TRHDE: variants seen among roughly 807,000 people sequenced by gnomAD.
TRHDE encodes thyrotropin releasing hormone degrading enzyme.
A neutral mutation model predicts 125.7 loss-of-function variants in TRHDE; 72 were observed. The ratio of observed to expected loss-of-function variants is 0.57; its 90% confidence interval spans 0.47 to 0.70. The LOEUF is 0.70. Ranked by LOEUF, TRHDE falls within the 30% of genes least tolerant of loss-of-function variation. The pLI, the probability that TRHDE is intolerant of heterozygous loss-of-function variation, is 0.00. For synonymous variants in TRHDE, 509 were observed against 509.1 expected, an observed-to-expected ratio of 1.00 and a Z score of 0.00; for missense variants, 1,110 against 1,327.1, an observed-to-expected ratio of 0.84 and a Z score of 2.54.
intron 5 of TRHDE, among the ~76,000 whole-genome samples, chr12:72,483,138 T>G (rs1359575343): frequency 6.6e-6 from 1 of 152,006 alleles, no homozygotes; most frequent in Non-Finnish European, 1.5e-5. Context: ...CCTCCCTTTT[T>G]TTTTTGGCTG....
intron 12 of TRHDE, among the ~76,000 whole-genome samples, chr12:72,577,229 G>T (rs1871037541): frequency 6.6e-6 from 1 of 152,266 alleles, no homozygotes; most frequent in Admixed American, 6.5e-5. Flanking sequence ...CTCAAAGAAA[G>T]CTGTTTTCAT....
At chr12:72,329,458 T>C (rs914737790) in intron 2 of TRHDE, among the ~76,000 whole-genome samples, 1 of 152,204 alleles carries the variant, frequency 6.6e-6, no homozygotes, top group African/African-American at 2.4e-5. Flanking sequence ...ATTGAACCCA[T>C]TTTTACCCCT....
chr12:72,582,234 A>G (rs1467830136), intron 12 of TRHDE: 1 of 981,654 alleles, frequency 1.0e-6, no homozygotes, highest in African/African-American at 1.8e-5. Context: ...CAGCTTATAC[A>G]TTTGAGATAT....
Position 72,295,256 on chromosome 12 carries a change from C to T in TRHDE, c.1188+8302C>T, listed in dbSNP as rs559146743. 3.3e-5 allele frequency among the ~76,000 whole-genome samples: 5 copies of T among 152,148 alleles called. No individual in the cohort carries two copies. The East Asian group carries it at 7.8e-4, about 24-fold the overall frequency. Reference sequence around the variant, plus strand: ...CGGCTGCAGCAGCACTGGGGAGCCCCACCCCAGCTCAGAAGGGGCAGGGCT... The same window carrying T: ...CGGCTGCAGCAGCACTGGGGAGCCCTACCCCAGCTCAGAAGGGGCAGGGCT... On this transcript the variant is annotated intron_variant, in intron 2 of 18. Transcript: ENST00000261180.
intron 2 of TRHDE, among the ~76,000 whole-genome samples, chr12:72,230,044 C>T (rs1377990879): frequency 1.3e-5 from 2 of 152,094 alleles, no homozygotes. Context: ...TCTGGTCTGC[C>T]ACCACCTGAC....
chr12:72,389,870 A>G (rs1280727054), intron 3 of TRHDE, among the ~76,000 whole-genome samples: 2 of 152,228 alleles, frequency 1.3e-5, no homozygotes, highest in Non-Finnish European at 2.9e-5. Context: ...ATGGGAGCAA[A>G]GATCAAAGCA....
At chr12:72,512,678 A>AG (rs889651770) in intron 6 of TRHDE, among the ~76,000 whole-genome samples, 9 of 145,844 alleles carry the variant, frequency 6.2e-5, no homozygotes, top group Non-Finnish European at 1.3e-4. Context: ...ATGGTAATAT[A>AG]GATTTTTTAT....
intron 2 of TRHDE, among the ~76,000 whole-genome samples, chr12:72,253,181 A>C (rs1394525105): frequency 6.6e-6 from 1 of 152,124 alleles, no homozygotes; most frequent in African/African-American, 2.4e-5. Flanking sequence ...CTGTATATAG[A>C]AATGACATTG....
intron 18 of TRHDE, among the ~76,000 whole-genome samples, chr12:72,662,729 T>C (rs1192623398): frequency 6.6e-6 from 1 of 152,156 alleles, no homozygotes. Flanking sequence ...CATCAACTGA[T>C]TTTGAAATGA....
At chr12:72,602,369 A>T (rs143058232) in intron 12 of TRHDE, among the ~76,000 whole-genome samples, 178 of 152,332 alleles carry the variant, frequency 1.2e-3, no homozygotes, top group African/African-American at 4.0e-3. Context: ...TTCTGAGAAA[A>T]TATGAAAAAA....
chr12:72,473,020 G>A (rs1218479458), intron 4 of TRHDE, 47 bp from the exon 5 acceptor site: 1 of 1,347,614 alleles, frequency 7.4e-7, no homozygotes, highest in Non-Finnish European at 1.1e-6. Context: ...AAATAGTTTG[G>A]GGATAGATTT....
At chr12:72,321,409 A>T (rs1358556976) in intron 2 of TRHDE, among the ~76,000 whole-genome samples, 1 of 152,168 alleles carries the variant, frequency 6.6e-6, no homozygotes, top group Non-Finnish European at 1.5e-5. Context: ...GTTAGTTCCA[A>T]ATTTAAAAAG....
chr12:72,663,302 G>T lies in TRHDE; in HGVS notation c.*107G>T. 1 of 900,122 alleles carries T rather than the reference G, an allele frequency of 1.1e-6. No homozygotes were observed. The highest frequency in any genetic ancestry group is 1.5e-6 in the Non-Finnish European group (1 of 653,644). The allele number at this position is 900,122 out of a possible 1,614,324, so 55.8% of individuals were successfully genotyped here. On this transcript the variant is annotated 3_prime_UTR_variant, in exon 19 of 19. Coordinates refer to ENST00000261180, the MANE Select transcript of TRHDE (RefSeq NM_013381.3). ...CCTAGAAAATGGCCAGATTTTCAGT[G>T]TTAACGTGTGGGAGGAATTTTTTTT...
At chr12:72,466,816 C>A (rs1876397754) in intron 3 of TRHDE, among the ~76,000 whole-genome samples, 1 of 152,174 alleles carries the variant, frequency 6.6e-6, no homozygotes, top group Non-Finnish European at 1.5e-5. Context: ...CCACACCACA[C>A]CCACCCCATC....
At chr12:72,113,498 A>G (rs1174411068) in intron 2 of TRHDE, among the ~76,000 whole-genome samples, 1 of 151,856 alleles carries the variant, frequency 6.6e-6, no homozygotes, top group African/African-American at 2.4e-5. Flanking sequence ...GAGTCTCCCT[A>G]TGTTTCTCCG....
intron 12 of TRHDE, among the ~76,000 whole-genome samples, chr12:72,592,933 G>A (rs1229457391): frequency 6.6e-6 from 1 of 152,060 alleles, no homozygotes. Flanking sequence ...GGCTGGTCTT[G>A]AACTCCTGAC....
chr12:72,104,602 G>T (rs939176007), intron 1 of TRHDE, among the ~76,000 whole-genome samples: 1 of 152,192 alleles, frequency 6.6e-6, no homozygotes. Context: ...CCATGTGTCA[G>T]CAACGAGTCA....
At position 72,136,464 on chromosome 12, in the gene TRHDE, T is replaced by C. The variant is rs369400080; in HGVS notation, n.279+30712T>C. 5.9e-5 allele frequency among the ~76,000 whole-genome samples: 9 copies of C among 152,366 alleles called. No homozygotes were observed. In the East Asian group the frequency reaches 1.2e-3, roughly 20 times the overall value. On this transcript the variant is annotated intron_variant and non_coding_transcript_variant, in intron 2 of 4. Transcript: ENST00000548156. ...AACGGGGAATTTAAATGAATGCTTG[T>C]ACTTTCCCATTGACCTATAAGCAGG... is the stretch of plus-strand genomic sequence containing the variant.
At chr12:72,221,909 A>G (rs1473903483) in intron 2 of TRHDE, among the ~76,000 whole-genome samples, 2 of 152,082 alleles carry the variant, frequency 1.3e-5, no homozygotes, top group Non-Finnish European at 2.9e-5. Context: ...GTTGCAGTGA[A>G]ATGATGGTTT....
Sources: allele counts gnomAD v4.1 joint callset (sites outside exome capture counted in the v4.1 genomes callset), GRCh38; gene constraint gnomAD v4.1.1; transcripts MANE v1.5; gene names NCBI Gene and HGNC (gene_info 2026-07-23, HGNC 2026-07-21).